Variants in HOXC4 observed in about 807,000 individuals in gnomAD.
HOXC4 encodes homeobox C4, also known as homeobox protein Hox-C4.
HOXC4 carries 15 observed loss-of-function variants against 25.5 expected under a neutral mutation model. The ratio of observed to expected loss-of-function variants is 0.59; its 90% CI spans 0.39 to 0.91. The LOEUF (loss-of-function observed/expected upper bound fraction) is 0.91, where lower values mean the gene tolerates loss of function less well. Ranked by LOEUF, HOXC4 falls within the 40% of genes least tolerant of loss-of-function variation. The pLI is 0.00. For synonymous variants in HOXC4, 165 were observed against 148.0 expected, an observed-to-expected ratio of 1.11 and a Z score of -0.83; for missense variants, 342 against 352.4, an observed-to-expected ratio of 0.97 and a Z score of 0.24.
chr12:54,024,634 C>T (rs1283215516), intron 1 of HOXC4, among the ~76,000 whole-genome samples: 1 of 152,172 alleles, frequency 6.6e-6, no homozygotes, highest in Non-Finnish European at 1.5e-5. Context: ...GTGAGGCCTG[C>T]CCACGAACTT....
At chr12:54,034,340 G>T (rs1432556399) in intron 1 of HOXC4, 3 of 1,614,220 alleles carry the variant, frequency 1.9e-6, no homozygotes, top group Non-Finnish European at 2.5e-6. Flanking sequence ...ACTCGAGAAA[G>T]AATTCCACTT....
chr12:54,042,770 G>A (rs762527660), intron 1 of HOXC4, among the ~76,000 whole-genome samples: 8 of 152,132 alleles, frequency 5.3e-5, no homozygotes, highest in Non-Finnish European at 1.0e-4. Flanking sequence ...AGGAGAAGAC[G>A]ATGCTGTTTG....
intron 1 of HOXC4, among the ~76,000 whole-genome samples, chr12:54,029,125 C>T (rs1458254604): frequency 5.9e-5 from 9 of 151,856 alleles, no homozygotes; most frequent in Admixed American, 5.9e-4. Context: ...TGGCCCCTGA[C>T]GGATTGGAGG....
At chr12:54,033,203 T>C in intron 1 of HOXC4, 7 of 1,614,196 alleles carry the variant, frequency 4.3e-6, no homozygotes, top group Non-Finnish European at 8.5e-7. Flanking sequence ...GTGGGAACTA[T>C]GGATCGGCCT....
At chr12:54,033,122 C>T (rs1941051203) in intron 1 of HOXC4, 1 of 1,597,386 alleles carries the variant, frequency 6.3e-7, no homozygotes, top group African/African-American at 1.3e-5. Flanking sequence ...CCCTCCCCGC[C>T]ATGAGCTCCT....
Position 54,055,195 on chromosome 12 carries a change from C to T in HOXC4, c.785C>T (p.Thr262Ile), listed in dbSNP as rs1231978652. The T allele has an allele frequency of 6.3e-7, 1 of 1,593,684 alleles. No homozygotes were observed. Among genetic ancestry groups the T allele is most frequent in the Non-Finnish European group, 8.6e-7 (1 of 1,168,498 alleles). The change falls in exon 2 of 2, where the codon ACC becomes ATC. Residue 262 changes from threonine (T) to isoleucine (I), a missense_variant. By Grantham distance (89) the Thr-to-Ile change is moderately conservative. Transcript: ENST00000430889. ...PPEQQRAEDI[T>I]RL ...GAGCAGCAACGGGCAGAGGACATTACCAGGTTATAAAACATAACTCACACC... is the reference window on the plus strand; with the variant it reads ...GAGCAGCAACGGGCAGAGGACATTATCAGGTTATAAAACATAACTCACACC...
chr12:54,046,299 TG>T (rs1937702624), intron 1 of HOXC4, among the ~76,000 whole-genome samples: 1 of 152,208 alleles, frequency 6.6e-6, no homozygotes, highest in African/African-American at 2.4e-5. Context: ...TCGGCTCCTT[TG>T]GCTTCCGCGG....
At chr12:54,017,799 A>C (rs1180840020) in intron 1 of HOXC4, among the ~76,000 whole-genome samples, 1 of 152,222 alleles carries the variant, frequency 6.6e-6, no homozygotes, top group Non-Finnish European at 1.5e-5. Flanking sequence ...TGGAAGCTCA[A>C]GCTCCAGGCA....
At chr12:54,040,195 T>C (rs906912011) in intron 1 of HOXC4, among the ~76,000 whole-genome samples, 1 of 152,070 alleles carries the variant, frequency 6.6e-6, no homozygotes, top group Admixed American at 6.6e-5. Flanking sequence ...GGGCAGGCAA[T>C]CAGGTGCCAA....
At chr12:54,046,082 G>A (rs1054326255) in intron 1 of HOXC4, among the ~76,000 whole-genome samples, 3 of 152,154 alleles carry the variant, frequency 2.0e-5, no homozygotes, top group African/African-American at 7.2e-5. Context: ...GGGGAAAAAG[G>A]GATCAAGTCC....
intron 1 of HOXC4, among the ~76,000 whole-genome samples, chr12:54,042,575 G>A (rs965361810): frequency 6.6e-6 from 1 of 152,152 alleles, no homozygotes; most frequent in Non-Finnish European, 1.5e-5. Flanking sequence ...TTTTTGAGAG[G>A]GGGAATGCTG....
At chr12:54,026,832 C>G (rs1940723291) in intron 1 of HOXC4, among the ~76,000 whole-genome samples, 1 of 152,120 alleles carries the variant, frequency 6.6e-6, no homozygotes, top group Non-Finnish European at 1.5e-5. Flanking sequence ...TCAGCATAGT[C>G]CCGTTTATGG....
chr12:54,022,827 C>T (rs1940509665), intron 1 of HOXC4, among the ~76,000 whole-genome samples: 1 of 152,076 alleles, frequency 6.6e-6, no homozygotes, highest in African/African-American at 2.4e-5. Context: ...TTTTATAATT[C>T]TCATGAACCT....
intron 1 of HOXC4, among the ~76,000 whole-genome samples, chr12:54,040,042 T>A (rs1468523020): frequency 6.6e-6 from 1 of 152,162 alleles, no homozygotes; most frequent in Non-Finnish European, 1.5e-5. Flanking sequence ...TCCCCTCAAA[T>A]AGTTTGCCTC....
chr12:54,029,708 CA>C (rs1208271010), intron 1 of HOXC4: 1 of 1,614,104 alleles, frequency 6.2e-7, no homozygotes, highest in Non-Finnish European at 8.5e-7. Context: ...CTCGCGGTAC[CA>C]GACCCTGGAA....
chr12:54,028,352 T>A (rs1008193086), intron 1 of HOXC4: 1 of 633,056 alleles, frequency 1.6e-6, no homozygotes, highest in Non-Finnish European at 2.7e-6. Context: ...GCGATTTTTT[T>A]CCCCCTTCCT....
At chr12:54,026,121 T>C (rs1368599458) in intron 1 of HOXC4, among the ~76,000 whole-genome samples, 1 of 152,164 alleles carries the variant, frequency 6.6e-6, no homozygotes, top group African/African-American at 2.4e-5. Flanking sequence ...TCTCTGAAAT[T>C]GGAGGGGGGG....
chr12:54,035,448 T>C (rs1366268202), intron 1 of HOXC4: 2 of 152,370 alleles, frequency 1.3e-5, no homozygotes, highest in African/African-American at 4.8e-5. Flanking sequence ...CCCACAAACT[T>C]TAAGCCACCC....
chr12:54,033,187 A>G (rs778510008), intron 1 of HOXC4: 1 of 1,614,160 alleles, frequency 6.2e-7, no homozygotes, highest in East Asian at 2.2e-5. Flanking sequence ...TATAACATGC[A>G]AACTTGTGGG....
Sources: allele counts gnomAD v4.1 joint callset (sites outside exome capture counted in the v4.1 genomes callset), GRCh38; gene constraint gnomAD v4.1.1; transcripts MANE v1.5; gene names NCBI Gene and HGNC (gene_info 2026-07-23, HGNC 2026-07-21).